Variants in RFTN1 observed in about 807,000 individuals in gnomAD.
RFTN1 encodes raftlin, lipid raft linker 1.
In RFTN1, 26 loss-of-function variants were observed where a neutral mutation model predicts 46.5. The observed-to-expected ratio is 0.56, with a 90% CI of 0.41 to 0.78. The LOEUF is 0.78. Among genes scored for constraint, RFTN1 ranks in the 30% least tolerant of loss-of-function variants. The pLI is 0.00. For synonymous variants in RFTN1, 261 were observed against 284.2 expected (o/e 0.92, Z 0.82); for missense variants, 693 against 718.7 (o/e 0.96, Z 0.41).
chr3:16,471,810 T>C (rs1222737326), intron 2 of RFTN1, among the ~76,000 whole-genome samples: 1 of 152,218 alleles, frequency 6.6e-6, no homozygotes, highest in African/African-American at 2.4e-5. Flanking sequence ...TTTTAAACTA[T>C]TTTTTATTCC....
At chr3:16,324,516 A>G (rs945009121) in intron 8 of RFTN1, among the ~76,000 whole-genome samples, 13 of 151,924 alleles carry the variant, frequency 8.6e-5, no homozygotes, top group South Asian at 8.3e-4. Flanking sequence ...TCCACGTATG[A>G]GAGAGATTAT....
At position 16,466,431 on chromosome 3, in the gene RFTN1, C is replaced by G. The variant is rs1031699669; in HGVS notation, c.145+27294G>C. ...CAAATTACGAAGTATGAAGTGACCT[C>G]CAACATCATATACTCCAAATTCCTC... On this transcript the variant is annotated intron_variant, in intron 2 of 9. Transcript: ENST00000334133. This position sits in a 1 kb window ranked among gnomAD's most constrained non-coding sequence, Gnocchi z 5.6. 1.3e-5 allele frequency among the ~76,000 whole-genome samples: 2 copies of G among 152,174 alleles called. No homozygotes were observed. Among genetic ancestry groups the G allele is most frequent in the Admixed American group, 1.3e-4 (2 of 15,282 alleles).
chr3:16,328,534 T>C (rs1340013702), intron 7 of RFTN1, among the ~76,000 whole-genome samples: 1 of 152,230 alleles, frequency 6.6e-6, no homozygotes, highest in African/African-American at 2.4e-5. Flanking sequence ...ACCTGAACCC[T>C]TGGCGACTAA....
chr3:16,444,932 C>T (rs1007459663), intron 2 of RFTN1, among the ~76,000 whole-genome samples: 13 of 152,198 alleles, frequency 8.5e-5, no homozygotes, highest in Middle Eastern at 6.8e-3. Context: ...CATTTATTTC[C>T]ATGTTTAGTA....
chr3:16,461,348 T>C (rs556913331), intron 2 of RFTN1, among the ~76,000 whole-genome samples: 1 of 152,344 alleles, frequency 6.6e-6, no homozygotes, highest in African/African-American at 2.4e-5. Flanking sequence ...TTAAAACTCT[T>C]CCGTGAATAA....
chr3:16,498,095 T>G lies in RFTN1; in HGVS notation c.-8-4218A>C, dbSNP rs937655287. On this transcript the variant is annotated intron_variant, in intron 1 of 9. Coordinates refer to ENST00000334133, the MANE Select transcript of RFTN1 (RefSeq NM_015150.2). This position sits in a 1 kb window ranked among gnomAD's most constrained non-coding sequence, Gnocchi z 5.2. ...TTGATATCACAGGACATAAAGGGGC[T>G]CTGGGCAAATCATCCATGTGATCAG... Among the ~76,000 whole-genome samples, 3 of 152,162 alleles carry G rather than the reference T, an allele frequency of 2.0e-5. No individual in the cohort carries two copies. The highest frequency in any genetic ancestry group is 2.9e-5 in the Non-Finnish European group (2 of 68,040).
chr3:16,332,715 C>T (rs1046929257), intron 7 of RFTN1, among the ~76,000 whole-genome samples: 1 of 152,136 alleles, frequency 6.6e-6, no homozygotes, highest in East Asian at 1.9e-4. Context: ...TTGTAGCTTC[C>T]TTCATTTTGC....
chr3:16,483,329 T>A lies in RFTN1; in HGVS notation c.145+10396A>T, dbSNP rs1413005129. Among the ~76,000 whole-genome samples, 1 of 152,226 alleles carries A rather than the reference T, an allele frequency of 6.6e-6. No individual in the cohort carries two copies. The highest frequency in any genetic ancestry group is 6.5e-5 in the Admixed American group (1 of 15,282). ...CTTCCTTCCTTTCCCTAGTTTACGA[T>A]GTTGGGCTCCCCTGTAAAGCACCCC... On this transcript the variant is annotated intron_variant, in intron 2 of 9. Coordinates refer to ENST00000334133, the MANE Select transcript of RFTN1 (RefSeq NM_015150.2). The surrounding 1 kb of genome is among the most constrained non-coding windows in gnomAD (Gnocchi z 4.8).
At chr3:16,368,472 C>T (rs1282074453) in intron 6 of RFTN1, among the ~76,000 whole-genome samples, 2 of 152,160 alleles carry the variant, frequency 1.3e-5, no homozygotes, top group Non-Finnish European at 2.9e-5. Flanking sequence ...GGAACTGAGA[C>T]CATCCTGGCT....
In RFTN1 at chr3:16,322,527, G is replaced by GA. The variant is rs1299211179; in HGVS notation, c.1332+848dup. Among the ~76,000 whole-genome samples, 2 of 152,230 alleles carry GA rather than the reference G, an allele frequency of 1.3e-5. No individual in the cohort carries two copies. Among genetic ancestry groups the GA allele is most frequent in the African/African-American group, 4.8e-5 (2 of 41,462 alleles). On this transcript the variant is annotated intron_variant, in intron 9 of 9. Coordinates refer to ENST00000334133, the MANE Select transcript of RFTN1 (RefSeq NM_015150.2). This position sits in a 1 kb window ranked among gnomAD's most constrained non-coding sequence, Gnocchi z 6.2. ...TCAGCCATCAAAGGTGCAGTGAGCT[G>GA]AATCCAGGTGATGCCTGACTCAGGC...
At chr3:16,469,659 G>A (rs773898831) in intron 2 of RFTN1, among the ~76,000 whole-genome samples, 11 of 152,234 alleles carry the variant, frequency 7.2e-5, no homozygotes, top group Non-Finnish European at 1.0e-4. Context: ...AGGAGCTTGG[G>A]GGCAGACATG....
chr3:16,432,640 C>T (rs932813170), intron 3 of RFTN1, among the ~76,000 whole-genome samples: 1 of 151,704 alleles, frequency 6.6e-6, no homozygotes, highest in Non-Finnish European at 1.5e-5. Context: ...ATTTCAAGAT[C>T]AGCCTAGGCA....
rs1328756027 is a variant in RFTN1, at chr3:16,506,339, T to C, written c.-9+7103A>G. On this transcript the variant is annotated intron_variant, in intron 1 of 9. Coordinates refer to ENST00000334133, the MANE Select transcript of RFTN1 (RefSeq NM_015150.2). The surrounding 1 kb of genome is among the most constrained non-coding windows in gnomAD (Gnocchi z 4.8). ...CAAACAGGGCTGGGGAGACAGAGCG[T>C]AGGCCTGGCCGGGCCGTGAGCACTT... is the stretch of plus-strand genomic sequence containing the variant. Among the ~76,000 whole-genome samples, 2 of 152,074 alleles carry C rather than the reference T, an allele frequency of 1.3e-5. No homozygotes were observed. The highest frequency in any genetic ancestry group is 1.9e-4 in the East Asian group (1 of 5,194).
rs1553726059 is a variant in RFTN1 at position 16,345,786 on chromosome 3, C to CTGTGTGTGTGTGTGTGTGTGTGTGTG, written c.1146+12145_1146+12146insCACACACACACACACACACACACACA. 1.2e-5 allele frequency among the ~76,000 whole-genome samples: 1 copy of CTGTGTGTGTGTGTGTGTGTGTGTGTG among 81,554 alleles called. No individual in the cohort carries two copies. Among genetic ancestry groups the CTGTGTGTGTGTGTGTGTGTGTGTGTG allele is most frequent in the Non-Finnish European group, 2.5e-5 (1 of 39,814 alleles). 53.5% of individuals were successfully genotyped at this position (81,554 alleles called of 152,430 possible). On this transcript the variant is annotated intron_variant, in intron 7 of 9. Transcript: ENST00000334133. This position sits in a 1 kb window ranked among gnomAD's most constrained non-coding sequence, Gnocchi z 5.2. ...CATGAGCCAAAACCTTATAATAAAT[C>CTGTGTGTGTGTGTGTGTGTGTGTGTG]TCTGTGTGTGTGTGTGTGTGTGTGT...
At chr3:16,404,266 AAT>A (rs1305534490) in intron 4 of RFTN1, among the ~76,000 whole-genome samples, 2 of 13,246 alleles carry the variant, frequency 1.5e-4, no homozygotes, top group African/African-American at 1.0e-3. Context: ...TATAATATAT[AAT>A]ATATATAATA....
intron 7 of RFTN1, among the ~76,000 whole-genome samples, chr3:16,355,770 C>G (rs1328944182): frequency 6.6e-6 from 1 of 152,224 alleles, no homozygotes; most frequent in Non-Finnish European, 1.5e-5. Context: ...ATCTGCATTT[C>G]TAATAACTTC....
chr3:16,511,162 G>T (rs1000001162), intron 1 of RFTN1, among the ~76,000 whole-genome samples: 4 of 152,186 alleles, frequency 2.6e-5, no homozygotes, highest in Admixed American at 2.6e-4. Flanking sequence ...GGCACCTGCT[G>T]GGGTGACAGT....
intron 2 of RFTN1, chr3:16,472,040 T>C (rs191369732): frequency 9.4e-4 from 143 of 152,198 alleles, no homozygotes; most frequent in African/African-American, 3.3e-3. Flanking sequence ...CTCCTGAATA[T>C]GGTTCTTTGC....
At position 16,440,867 on chromosome 3, in the gene RFTN1, A is replaced by G. The variant is rs1429974690; in HGVS notation, c.146-6830T>C. On this transcript the variant is annotated intron_variant, in intron 2 of 9. Coordinates refer to ENST00000334133, the MANE Select transcript of RFTN1 (RefSeq NM_015150.2). The surrounding 1 kb of genome is among the most constrained non-coding windows in gnomAD (Gnocchi z 4.6). ...ATGGGGCATTTGATAAAGTTGGGGG[A>G]TGGATGCCCCGCACTTCTTCCTATT... Among the ~76,000 whole-genome samples the G allele has an allele frequency of 6.6e-6, 1 of 152,118 alleles. No individual in the cohort carries two copies. The highest frequency in any genetic ancestry group is 2.4e-5 in the African/African-American group (1 of 41,404).
Sources: gnomAD v4.1 joint callset for allele counts (sites outside exome capture counted in the v4.1 genomes callset) on GRCh38, gnomAD v4.1.1 for gene constraint, Gnocchi (gnomAD v3.1) non-coding constraint, MANE v1.5 for transcripts, NCBI Gene and HGNC (gene_info 2026-07-23, HGNC 2026-07-21) for gene names.